The following RORB variants were observed in gnomAD, a reference collection of about 807,000 sequenced individuals.
The protein encoded by RORB is RAR related orphan receptor B.
RORB carries 6 observed loss-of-function variants against 59.1 expected under a neutral mutation model. The observed-to-expected ratio is 0.10, with a 90% CI of 0.06 to 0.20. RORB has a LOEUF of 0.20. RORB is among the 10% of genes least tolerant of loss of function. The pLI is 1.00. For synonymous variants in RORB, 215 were observed against 204.5 expected (o/e 1.05, Z -0.44); for missense variants, 320 against 560.5 (o/e 0.57, Z 4.33).
chr9:74,625,265 C>T (rs6560405), intron 1 of RORB, among the ~76,000 whole-genome samples: 23,649 of 152,104 alleles, frequency 0.16, 1,849 homozygotes, highest in Admixed American at 0.21. Context: ...CACTTGGGGG[C>T]CTTTTCCAAA....
chr9:74,528,116 T>A (rs1321054171), intron 1 of RORB, among the ~76,000 whole-genome samples: 1 of 151,968 alleles, frequency 6.6e-6, no homozygotes, highest in Non-Finnish European at 1.5e-5. Flanking sequence ...CTCAGTGGCA[T>A]AAAACCAGAG....
intron 1 of RORB, among the ~76,000 whole-genome samples, chr9:74,580,142 T>G (rs1037263280): frequency 6.6e-6 from 1 of 151,926 alleles, no homozygotes; most frequent in African/African-American, 2.4e-5. Context: ...CCACTAGGGG[T>G]TTAAGACCAT....
intron 1 of RORB, among the ~76,000 whole-genome samples, chr9:74,501,212 T>C (rs1022714757): frequency 2.0e-5 from 3 of 152,230 alleles, no homozygotes; most frequent in Non-Finnish European, 2.9e-5. Context: ...ATTAGAAATC[T>C]GGTTTTATAC....
chr9:74,539,868 CAAAAAAA>C (rs11322021), intron 1 of RORB, among the ~76,000 whole-genome samples: 2 of 113,614 alleles, frequency 1.8e-5, no homozygotes, highest in African/African-American at 6.6e-5. Flanking sequence ...CTTAACCTCT[CAAAAAAA>C]AAAAAAAAAA....
chr9:74,571,900 C>T (rs929775658), intron 1 of RORB, among the ~76,000 whole-genome samples: 4 of 152,080 alleles, frequency 2.6e-5, no homozygotes, highest in African/African-American at 9.7e-5. Context: ...TAATTCCTTC[C>T]GTGGACATTC....
chr9:74,589,593 C>G (rs1822855476), intron 1 of RORB, among the ~76,000 whole-genome samples: 1 of 152,148 alleles, frequency 6.6e-6, no homozygotes, highest in African/African-American at 2.4e-5. Context: ...AGTAAAGTGC[C>G]TAAGACTCAA....
Position 74,599,592 on chromosome 9 carries a change from G to T in RORB, c.8-30690G>T, listed in dbSNP as rs757787379. 2.6e-5 allele frequency among the ~76,000 whole-genome samples: 4 copies of T among 152,114 alleles called. 1 individual carries two copies. Among genetic ancestry groups the T allele is most frequent in the South Asian group, 4.1e-4 (2 of 4,824 alleles). On this transcript the variant is annotated intron_variant, in intron 1 of 9. Transcript: ENST00000376896. ...TGTATTTAGCATGGTCTTTTAAAAGGCTTTGTGAATGCTAAAATGTTTACA... is the reference window on the plus strand; with the variant it reads ...TGTATTTAGCATGGTCTTTTAAAAGTCTTTGTGAATGCTAAAATGTTTACA...
intron 4 of RORB, among the ~76,000 whole-genome samples, chr9:74,647,517 T>A (rs1162050467): frequency 6.6e-6 from 1 of 152,238 alleles, no homozygotes; most frequent in Non-Finnish European, 1.5e-5. Flanking sequence ...GCTCTTCTAT[T>A]CAGTAACTTT....
chr9:74,514,316 C>T (rs1385436346), intron 1 of RORB, among the ~76,000 whole-genome samples: 1 of 152,016 alleles, frequency 6.6e-6, no homozygotes, highest in African/African-American at 2.4e-5. Flanking sequence ...TGTAAAGCCC[C>T]AAATAGTAAA....
In RORB at chr9:74,538,863, T is replaced by C. The variant is rs1826362679; in HGVS notation, c.7+40880T>C. On this transcript the variant is annotated intron_variant, in intron 1 of 9. Coordinates refer to ENST00000376896, the MANE Select transcript of RORB (RefSeq NM_006914.4). ...TTTCTAATCCAAGATTGTCTGGCTG[T>C]GTGACCTTGGACAATTCACTCAACT... Among the ~76,000 whole-genome samples the C allele has an allele frequency of 3.9e-5, 6 of 152,170 alleles. No individual in the cohort carries two copies. In the South Asian group the frequency reaches 1.2e-3, roughly 31 times the overall value.
chr9:74,561,364 AT>A (rs1373740703), intron 1 of RORB, among the ~76,000 whole-genome samples: 2 of 152,114 alleles, frequency 1.3e-5, no homozygotes, highest in African/African-American at 4.8e-5. Context: ...TAAATATCTT[AT>A]TTTTTTATAA....
intron 1 of RORB, among the ~76,000 whole-genome samples, chr9:74,543,285 G>A (rs1263522513): frequency 1.3e-5 from 2 of 152,166 alleles, no homozygotes; most frequent in African/African-American, 4.8e-5. Context: ...AGTATCTACA[G>A]GCTTCAGATA....
At position 74,523,961 on chromosome 9, in the gene RORB, T is replaced by C. The variant is rs1826118070; in HGVS notation, c.7+25978T>C. The stretch of plus-strand genomic sequence containing the variant: ...ACTCCAGAGTTTGAAATTTGCAACA[T>C]GAAAATTATTGCCATGACTTTATTC... On this transcript the variant is annotated intron_variant, in intron 1 of 9. Transcript: ENST00000376896. Among the ~76,000 whole-genome samples, 4 of 149,370 alleles carry C rather than the reference T, an allele frequency of 2.7e-5. No homozygotes were observed. The Admixed American group carries it at 2.7e-4, about 10-fold the overall frequency.
At position 74,665,961 on chromosome 9, in the gene RORB, GC is replaced by G. The variant is rs200020850; in HGVS notation, c.1000+368del. Among the ~76,000 whole-genome samples, 12 of 152,288 alleles carry G rather than the reference GC, an allele frequency of 7.9e-5. No homozygotes were observed. In the East Asian group the frequency reaches 2.1e-3, roughly 27 times the overall value. ...GTTCAAGACCAGCATGGGCAACATG[GC>G]CAAACCCCATCTCTACAAAAAGTAC... On this transcript the variant is annotated intron_variant, in intron 7 of 9. Coordinates refer to ENST00000376896, the MANE Select transcript of RORB (RefSeq NM_006914.4).
intron 1 of RORB, among the ~76,000 whole-genome samples, chr9:74,547,410 C>T (rs1013324128): frequency 3.9e-5 from 6 of 152,042 alleles, no homozygotes; most frequent in Non-Finnish European, 8.8e-5. Flanking sequence ...AAGCAAGGAC[C>T]GAAGACCTTC....
intron 9 of RORB, among the ~76,000 whole-genome samples, chr9:74,677,184 T>C (rs761617337): frequency 3.9e-5 from 6 of 152,160 alleles, no homozygotes; most frequent in Non-Finnish European, 5.9e-5. Context: ...GATGATCAAG[T>C]GTAAAAAGTC....
chr9:74,573,940 G>C (rs1297739608), intron 1 of RORB, among the ~76,000 whole-genome samples: 1 of 152,074 alleles, frequency 6.6e-6, no homozygotes, highest in Admixed American at 6.6e-5. Flanking sequence ...AAGGTCTGTG[G>C]TCAGGATAGG....
intron 1 of RORB, among the ~76,000 whole-genome samples, chr9:74,519,475 T>C (rs1483353007): frequency 6.6e-6 from 1 of 151,976 alleles, no homozygotes; most frequent in African/African-American, 2.4e-5. Context: ...TTAGCTTTTA[T>C]AGGAAATTCA....
intron 1 of RORB, among the ~76,000 whole-genome samples, chr9:74,562,294 A>C (rs1822407512): frequency 6.6e-6 from 1 of 152,188 alleles, no homozygotes; most frequent in African/African-American, 2.4e-5. Context: ...TTGGTATCTC[A>C]AAGTTAGATC....
Sources: allele counts gnomAD v4.1 joint callset (sites outside exome capture counted in the v4.1 genomes callset), GRCh38; gene constraint gnomAD v4.1.1; transcripts MANE v1.5; gene names NCBI Gene and HGNC (gene_info 2026-07-23, HGNC 2026-07-21).